The following PARP14 variants were observed in gnomAD, a reference collection of about 807,000 sequenced individuals.
PARP14 encodes protein mono-ADP-ribosyltransferase PARP14.
Under a neutral mutation model 154.2 loss-of-function variants are expected in PARP14, and 59 were observed. That is an observed-to-expected ratio of 0.38 (90% CI 0.31 to 0.48). PARP14 has a LOEUF of 0.48. Among genes scored for constraint, PARP14 ranks in the 20% least tolerant of loss-of-function variants. PARP14 has a pLI of 0.98. For synonymous variants in PARP14, 720 were observed against 780.5 expected, an observed-to-expected ratio of 0.92 and a Z score of 1.29; for missense variants, 1,734 against 2,131.6, an observed-to-expected ratio of 0.81 and a Z score of 3.67.
At chr3:122,707,056 C>G (rs1037255944) in intron 8 of PARP14, among the ~76,000 whole-genome samples, 1 of 152,162 alleles carries the variant, frequency 6.6e-6, no homozygotes, top group Non-Finnish European at 1.5e-5. Flanking sequence ...AAACTTTGAA[C>G]AATGCAAAAT....
In PARP14 at chr3:122,700,354, C is replaced by T. The variant is rs1369887204; in HGVS notation, c.1800C>T (p.Arg600=). Reference sequence around the variant, plus strand: ...TGCTCAGTGCCTTAAATTATAAGCGCATTGAAGTTGAGAACAAAGAAGTTC... The same window carrying T: ...TGCTCAGTGCCTTAAATTATAAGCGTATTGAAGTTGAGAACAAAGAAGTTC... The part of the protein sequence containing the change: ...KQMLSALNYK[R]IEVENKEVLH... The change falls in exon 6 of 17, where the codon CGC becomes CGT. Residue 600 remains arginine, a synonymous_variant. Transcript: ENST00000474629. 1.2e-6 allele frequency: 2 copies of T among 1,613,864 alleles called. No individual in the cohort carries two copies. Among genetic ancestry groups the T allele is most frequent in the African/African-American group, 1.3e-5 (1 of 75,042 alleles).
At chr3:122,719,606 C>T (rs969400871) in intron 14 of PARP14, among the ~76,000 whole-genome samples, 1 of 152,170 alleles carries the variant, frequency 6.6e-6, no homozygotes, top group South Asian at 2.1e-4. Flanking sequence ...AATTGGCTTC[C>T]ATTACACTAT....
intron 6 of PARP14, among the ~76,000 whole-genome samples, chr3:122,703,002 A>G (rs867804644): frequency 1.5e-5 from 2 of 133,600 alleles, no homozygotes; most frequent in Non-Finnish European, 3.3e-5. Context: ...TTAAAAAAAA[A>G]AAAAAAAACA....
chr3:122,687,392 G>A (rs1938406281), intron 3 of PARP14, among the ~76,000 whole-genome samples: 2 of 152,336 alleles, frequency 1.3e-5, no homozygotes, highest in Middle Eastern at 3.4e-3. Flanking sequence ...AGCTGGGGAT[G>A]AGCTGATCTT....
At chr3:122,719,859 A>G (rs1315254885) in intron 14 of PARP14, among the ~76,000 whole-genome samples, 1 of 152,226 alleles carries the variant, frequency 6.6e-6, no homozygotes, top group Non-Finnish European at 1.5e-5. Flanking sequence ...ATCCATGCAC[A>G]AACAAAACAG....
rs571507668 is a variant in PARP14 at position 122,687,012 on chromosome 3, A to G, written c.322-68A>G. 7 of 1,121,594 alleles carry G rather than the reference A, an allele frequency of 6.2e-6. No individual in the cohort carries two copies. In the Admixed American group the frequency reaches 1.0e-4, roughly 16 times the overall value. The allele number at this position is 1,121,594 out of a possible 1,614,324, so 69.5% of individuals were successfully genotyped here. A position where few individuals can be genotyped will look rare whatever the true frequency, so the allele number is the denominator to read the frequency against. On this transcript the variant is annotated intron_variant, in intron 2 of 16. Coordinates refer to ENST00000474629, the MANE Select transcript of PARP14 (RefSeq NM_017554.3). Reference sequence around the variant, plus strand: ...TACCCTCCATCTCCAGGCTGGTCCCAGGGACATTTTCTTATGTAAATAAAT... The same window carrying G: ...TACCCTCCATCTCCAGGCTGGTCCCGGGGACATTTTCTTATGTAAATAAAT...
intron 15 of PARP14, 186 bp downstream of exon 15, chr3:122,720,574 T>A: frequency 1.6e-6 from 1 of 642,374 alleles, no homozygotes; most frequent in Non-Finnish European, 2.8e-6. Context: ...AAGATTCTTG[T>A]GTCAGTGATT....
intron 7 of PARP14, 97 bp from the exon 8 acceptor site, chr3:122,704,430 G>C: frequency 1.4e-6 from 1 of 692,762 alleles, no homozygotes; most frequent in Non-Finnish European, 2.5e-6. Flanking sequence ...CAGCAAAAAG[G>C]AGTATTCAAG....
At position 122,700,808 on chromosome 3, in the gene PARP14, C is replaced by A. The variant is rs767140331; in HGVS notation, c.2254C>A (p.Gln752Lys). 5 of 1,613,888 alleles carry A rather than the reference C, an allele frequency of 3.1e-6. No homozygotes were observed. In the African/African-American group the frequency reaches 4.0e-5, roughly 13 times the overall value. Residue 752 changes from glutamine (Q) to lysine (K), a missense_variant, in exon 6 of 17, where the codon CAG becomes AAG. By Grantham distance (53) the Gln-to-Lys change is moderately conservative (BLOSUM62 1). Coordinates refer to ENST00000474629, the MANE Select transcript of PARP14 (RefSeq NM_017554.3). ...CCATACTGATAAGCCAGGAGCCAAG[C>A]AGTTCTTCCAGGATAAAGCACGGTT... Reference protein sequence around the residue: ...SVHTDKPGAKQFFQDKARFYQ... With the variant: ...SVHTDKPGAKKFFQDKARFYQ...
intron 3 of PARP14, among the ~76,000 whole-genome samples, chr3:122,689,167 C>T (rs1938465428): frequency 6.6e-6 from 1 of 152,238 alleles, no homozygotes; most frequent in Non-Finnish European, 1.5e-5. Context: ...TTAGAGCCAA[C>T]ATGCCTGAAG....
Position 122,701,936 on chromosome 3 carries a change from T to A in PARP14, c.3081+301T>A, listed in dbSNP as rs909273438. 6.6e-6 allele frequency among the ~76,000 whole-genome samples: 1 copy of A among 152,224 alleles called. No individual in the cohort carries two copies. The highest frequency in any genetic ancestry group is 1.5e-5 in the Non-Finnish European group (1 of 68,052). On this transcript the variant is annotated intron_variant, in intron 6 of 16. Transcript: ENST00000474629. The surrounding 1 kb of genome is among the most constrained non-coding windows in gnomAD (Gnocchi z 4.0). Reference sequence around the variant, plus strand: ...CACGTTTAGACAGTTCTCTATACCTTACACCTGCCGTGTTTTGGTAAATCT... The same window carrying A: ...CACGTTTAGACAGTTCTCTATACCTAACACCTGCCGTGTTTTGGTAAATCT...
intron 4 of PARP14, 55 bp from the exon 5 acceptor site, chr3:122,695,371 A>T (rs1938739285): frequency 1.1e-6 from 1 of 888,420 alleles, no homozygotes; most frequent in Non-Finnish European, 1.8e-6. Flanking sequence ...TCTATACAAC[A>T]TAAAGATACA....
At chr3:122,713,603 G>C (rs780000872) in intron 10 of PARP14, 30 bp downstream of exon 10, 17 of 1,594,180 alleles carry the variant, frequency 1.1e-5, no homozygotes, top group Non-Finnish European at 8.6e-7. Context: ...GAGTGCAATA[G>C]TTAATGGTAG....
At position 122,708,183 on chromosome 3, in the gene PARP14, A is replaced by G; in HGVS notation, c.3541-7A>G. 6.6e-7 allele frequency: 1 copy of G among 1,504,790 alleles called. No individual in the cohort carries two copies. Among genetic ancestry groups the G allele is most frequent in the Non-Finnish European group, 9.1e-7 (1 of 1,099,440 alleles). The allele number at this position is 1,504,790 out of a possible 1,614,324, so 93.2% of individuals were successfully genotyped here. On this transcript the variant is annotated splice_polypyrimidine_tract_variant and splice_region_variant and intron_variant, in intron 8 of 16. Coordinates refer to ENST00000474629, the MANE Select transcript of PARP14 (RefSeq NM_017554.3). ...GTGTAATGATCAACGCTGTGTTTAT[A>G]TTTCAGGCATTTTCAGATGAATTTG... is the stretch of plus-strand genomic sequence containing the variant.
At position 122,700,559 on chromosome 3, in the gene PARP14, A is replaced by G; in HGVS notation, c.2005A>G (p.Met669Val). ...GCTTTTTAACTTCGTTGAACAAAAC[A>G]TGAAAATAGAGAGACTGGTTGAAGT... ...KLLFNFVEQN[M>V]KIERLVEVKP... The change falls in exon 6 of 17, where the codon ATG (methionine) becomes GTG (valine). Residue 669 changes from methionine to valine, a missense_variant. Met to Val is a conservative substitution (Grantham distance 21). Around this residue, in one of 2 missense-constraint regions of PARP14, gnomAD observed 1,646 missense variants for 1,976.0 expected, o/e 0.83. Coordinates refer to ENST00000474629, the MANE Select transcript of PARP14 (RefSeq NM_017554.3). 6.3e-7 allele frequency: 1 copy of G among 1,594,552 alleles called. No homozygotes were observed. The highest frequency in any genetic ancestry group is 1.1e-5 in the South Asian group (1 of 88,376).
In PARP14 at chr3:122,713,291, C is replaced by T. The variant is rs1939380472; in HGVS notation, c.3620-133C>T. On this transcript the variant is annotated intron_variant, in intron 9 of 16. Coordinates refer to ENST00000474629, the MANE Select transcript of PARP14 (RefSeq NM_017554.3). ...TCATCACTGAGGCTGAGGAGCAGGG[C>T]CAGGTTAAAGACCAGAGGTCACAGA... The T allele has an allele frequency of 4.8e-6, 3 of 619,380 alleles. No homozygotes were observed. The Admixed American group carries it at 9.3e-5, about 19-fold the overall frequency. 38.4% of individuals were successfully genotyped at this position (619,380 alleles called of 1,614,324 possible).
intron 5 of PARP14, among the ~76,000 whole-genome samples, chr3:122,696,468 T>A (rs1938782186): frequency 6.6e-6 from 1 of 152,180 alleles, no homozygotes; most frequent in Non-Finnish European, 1.5e-5. Context: ...GAAAACTGGA[T>A]GAAAGTATGG....
rs1414442449 is a variant in PARP14, at chr3:122,700,633, C to T, written c.2079C>T (p.Phe693=). The change falls in exon 6 of 17, where the codon TTC becomes TTT. Residue 693 remains phenylalanine (F), a synonymous_variant. Coordinates refer to ENST00000474629, the MANE Select transcript of PARP14 (RefSeq NM_017554.3). ...ATTTAAAGACAGAAAAGAAGCTATT[C>T]TGGCCAAAGATAAAGAAGGTAAATG... ...IDYLKTEKKL[F]WPKIKKVNVQ... 6.2e-7 allele frequency: 1 copy of T among 1,604,524 alleles called. No individual in the cohort carries two copies. Among genetic ancestry groups the T allele is most frequent in the African/African-American group, 1.3e-5 (1 of 74,784 alleles).
chr3:122,693,872 GA>G (rs1938668868), intron 4 of PARP14, among the ~76,000 whole-genome samples: 1 of 143,978 alleles, frequency 6.9e-6, no homozygotes, highest in African/African-American at 2.6e-5. Flanking sequence ...AAAAGAAAAA[GA>G]AAAGTGCTTA....
Sources: gnomAD v4.1 joint callset for allele counts (sites outside exome capture counted in the v4.1 genomes callset) on GRCh38, gnomAD v4.1.1 for gene constraint, gnomAD v4.1.1 regional missense constraint, Gnocchi (gnomAD v3.1) non-coding constraint, MANE v1.5 for transcripts, NCBI Gene and HGNC (gene_info 2026-07-23, HGNC 2026-07-21) for gene names.